The following GPR158 variants were observed in gnomAD, a reference collection of about 807,000 sequenced individuals.
GPR158 encodes G protein-coupled receptor 158.
GPR158 carries 30 observed loss-of-function variants against 78.2 expected under a neutral mutation model. The observed-to-expected ratio is 0.38, with a 90% confidence interval of 0.29 to 0.52. The LOEUF is 0.52. GPR158 is among the 20% of genes least tolerant of loss of function. The pLI is 0.83. For missense variants in GPR158, 1,463 were observed against 1,523.5 expected (o/e 0.96, Z 0.66); for synonymous variants, 581 against 591.1 (o/e 0.98, Z 0.25).
At chr10:25,273,259 C>A (rs1854140352) in intron 2 of GPR158, among the ~76,000 whole-genome samples, 1 of 152,024 alleles carries the variant, frequency 6.6e-6, no homozygotes, top group South Asian at 2.1e-4. Flanking sequence ...TACCTCTTAA[C>A]TTAAAGAAGA....
intron 4 of GPR158, among the ~76,000 whole-genome samples, chr10:25,416,973 C>T (rs1223159269): frequency 5.3e-5 from 8 of 152,056 alleles, no homozygotes; most frequent in Non-Finnish European, 1.2e-4. Flanking sequence ...ACTGTTCTCA[C>T]CCAGTGCCAG....
At chr10:25,273,054 C>G (rs577832433) in intron 2 of GPR158, among the ~76,000 whole-genome samples, 179 of 152,272 alleles carry the variant, frequency 1.2e-3, no homozygotes, top group Non-Finnish European at 2.0e-3. Context: ...GACTATAATC[C>G]AGATACTCTA....
intron 4 of GPR158, among the ~76,000 whole-genome samples, chr10:25,453,001 T>C (rs1835241744): frequency 6.6e-6 from 1 of 152,216 alleles, no homozygotes; most frequent in Admixed American, 6.5e-5. Flanking sequence ...CTGTCTGGCT[T>C]ATTTCACTTA....
At position 25,320,294 on chromosome 10, in the gene GPR158, C is replaced by G. The variant is rs191970031; in HGVS notation, c.1009-75617C>G. On this transcript the variant is annotated intron_variant, in intron 2 of 10. Transcript: ENST00000376351. Reference sequence around the variant, plus strand: ...GGACTTTTAATGGTCTATTTATGTTCGGTGCTTCTTGTGACTCAGAGGACA... The same window carrying G: ...GGACTTTTAATGGTCTATTTATGTTGGGTGCTTCTTGTGACTCAGAGGACA... Among the ~76,000 whole-genome samples, 112 of 152,222 alleles carry G rather than the reference C, an allele frequency of 7.4e-4. 3 individuals carry two copies. The highest frequency in any genetic ancestry group is 4.6e-4 in the Non-Finnish European group (31 of 68,012).
chr10:25,252,681 C>G (rs920670345), intron 2 of GPR158, among the ~76,000 whole-genome samples: 16 of 152,202 alleles, frequency 1.1e-4, no homozygotes, highest in East Asian at 5.8e-4. Flanking sequence ...TCTCAGATCT[C>G]CAGCTGCGTG....
chr10:25,332,036 C>T (rs1855131205), intron 2 of GPR158, among the ~76,000 whole-genome samples: 1 of 152,074 alleles, frequency 6.6e-6, no homozygotes, highest in Non-Finnish European at 1.5e-5. Context: ...TTATATGTGA[C>T]ATCCAATAAA....
chr10:25,373,610 A>T (rs1166598342), intron 2 of GPR158, among the ~76,000 whole-genome samples: 6 of 151,890 alleles, frequency 4.0e-5, no homozygotes, highest in Non-Finnish European at 5.9e-5. Flanking sequence ...ACAGCTTTTT[A>T]TGTGTCATAT....
chr10:25,282,558 A>G (rs1854290660), intron 2 of GPR158, among the ~76,000 whole-genome samples: 1 of 152,202 alleles, frequency 6.6e-6, no homozygotes, highest in Non-Finnish European at 1.5e-5. Flanking sequence ...ACTGTTTTCC[A>G]AAGTAGCTCT....
chr10:25,468,977 AT>A (rs1835458890), intron 5 of GPR158, among the ~76,000 whole-genome samples: 1 of 152,204 alleles, frequency 6.6e-6, no homozygotes, highest in Non-Finnish European at 1.5e-5. Context: ...GGAATAAAAT[AT>A]CCCTTGGCAG....
intron 4 of GPR158, among the ~76,000 whole-genome samples, chr10:25,431,793 T>G (rs6482481): frequency 0.82 from 123,917 of 151,788 alleles, 51,622 homozygotes; most frequent in Non-Finnish European, 0.87. Flanking sequence ...CTCACTCATA[T>G]GTGGGAATTG....
chr10:25,372,451 A>C (rs542763675), intron 2 of GPR158, among the ~76,000 whole-genome samples: 2 of 144,628 alleles, frequency 1.4e-5, no homozygotes, highest in East Asian at 3.9e-4. Flanking sequence ...AAGACTTGGA[A>C]CCAACCCAAA....
In GPR158 at chr10:25,550,742, C is replaced by A. The variant is rs189291205; in HGVS notation, c.1405-234C>A. ...CATTAGGTATATCTGCTAATGCTAT[C>A]CCTCCCCCCAAAGTTAGAAAATTTT... On this transcript the variant is annotated intron_variant, in intron 5 of 10. Coordinates refer to ENST00000376351, the MANE Select transcript of GPR158 (RefSeq NM_020752.3). Among the ~76,000 whole-genome samples the A allele has an allele frequency of 8.5e-5, 13 of 152,120 alleles. No individual in the cohort carries two copies. The East Asian group carries it at 1.7e-3, about 20-fold the overall frequency.
At chr10:25,314,856 C>T (rs1373102700) in intron 2 of GPR158, among the ~76,000 whole-genome samples, 8,014 of 102,206 alleles carry the variant, frequency 0.078, 438 homozygotes, top group African/African-American at 0.22. Context: ...TACATACACA[C>T]ACTGTCATAT....
At chr10:25,453,135 T>C (rs1271465370) in intron 4 of GPR158, among the ~76,000 whole-genome samples, 1 of 152,208 alleles carries the variant, frequency 6.6e-6, no homozygotes, top group Non-Finnish European at 1.5e-5. Flanking sequence ...GTGGATAGAC[T>C]CTAAGGCTGA....
intron 1 of GPR158, among the ~76,000 whole-genome samples, chr10:25,213,946 TTC>T (rs1300723973): frequency 6.6e-6 from 1 of 152,198 alleles, no homozygotes; most frequent in Non-Finnish European, 1.5e-5. Flanking sequence ...TTTGCATATT[TTC>T]TGTTTATTTG....
At chr10:25,407,022 T>C (rs1041821163) in intron 3 of GPR158, among the ~76,000 whole-genome samples, 1 of 152,150 alleles carries the variant, frequency 6.6e-6, no homozygotes, top group South Asian at 2.1e-4. Context: ...ATAATCACAT[T>C]CCTTTAAGGT....
At chr10:25,372,053 A>G (rs1834001870) in intron 2 of GPR158, among the ~76,000 whole-genome samples, 1 of 151,312 alleles carries the variant, frequency 6.6e-6, no homozygotes, top group South Asian at 2.1e-4. Flanking sequence ...GAAGGACATG[A>G]ACAGACACTT....
At chr10:25,310,337 C>A (rs1854745741) in intron 2 of GPR158, among the ~76,000 whole-genome samples, 1 of 152,106 alleles carries the variant, frequency 6.6e-6, no homozygotes, top group South Asian at 2.1e-4. Context: ...AGTGTTAGTC[C>A]TCCAAGTTTG....
At position 25,598,819 on chromosome 10, in the gene GPR158, C is replaced by T. The variant is rs146528842; in HGVS notation, c.3193C>T (p.Arg1065Cys). 44 of 1,613,918 alleles carry T rather than the reference C, an allele frequency of 2.7e-5. No homozygotes were observed. Among genetic ancestry groups the T allele is most frequent in the African/African-American group, 1.9e-4 (14 of 74,878 alleles). ...GGTTTGTCAGCAATCCAATCAGAAG[C>T]GCATAGATAAGGCTGAAGTATGCCT... Reference protein sequence around the residue: ...AEVCQQSNQKRIDKAEVCLWE... With the variant: ...AEVCQQSNQKCIDKAEVCLWE... Residue 1065 changes from arginine (R) to cysteine (C), a missense_variant, in exon 11 of 11, where the codon CGC becomes TGC. By Grantham distance (180) the Arg-to-Cys change is radical. Coordinates refer to ENST00000376351, the MANE Select transcript of GPR158 (RefSeq NM_020752.3).
Sources: allele counts gnomAD v4.1 joint callset (sites outside exome capture counted in the v4.1 genomes callset), GRCh38; gene constraint gnomAD v4.1.1; transcripts MANE v1.5; gene names NCBI Gene and HGNC (gene_info 2026-07-23, HGNC 2026-07-21).